Variants in AFTPH observed in about 807,000 individuals in gnomAD.
AFTPH encodes aftiphilin, also known as aftiphilin protein.
Under a neutral mutation model 72.5 loss-of-function variants are expected in AFTPH, and 7 were observed. The ratio of observed to expected loss-of-function variants is 0.10; its 90% CI spans 0.05 to 0.18. The LOEUF (loss-of-function observed/expected upper bound fraction) is 0.18, where lower values mean the gene tolerates loss of function less well. AFTPH is among the 10% of genes least tolerant of loss of function. AFTPH has a pLI of 1.00. For missense variants in AFTPH, 979 were observed against 1,060.5 expected, an observed-to-expected ratio of 0.92 and a Z score of 1.07; for synonymous variants, 337 against 370.1, an observed-to-expected ratio of 0.91 and a Z score of 1.03.
At chr2:64,560,001 G>A (rs1671621764) in intron 2 of AFTPH, among the ~76,000 whole-genome samples, 2 of 152,062 alleles carry the variant, frequency 1.3e-5, no homozygotes, top group African/African-American at 2.4e-5. Context: ...ACCATGCTCC[G>A]CCCCAGAATA....
chr2:64,592,079 TC>T, exon 9 of AFTPH: 1 of 1,516,412 alleles, frequency 6.6e-7, no homozygotes, highest in Non-Finnish European at 9.0e-7. Context: ...CTTTTTTCCA[TC>T]CCTTCCCTAC....
chr2:64,589,265 A>ATTCT, intron 8 of AFTPH, among the ~76,000 whole-genome samples: 1 of 152,328 alleles, frequency 6.6e-6, no homozygotes, highest in East Asian at 1.9e-4. Flanking sequence ...GTGCAGGTGG[A>ATTCT]TATCCAGTTG....
intron 8 of AFTPH, among the ~76,000 whole-genome samples, chr2:64,589,130 C>A (rs1388229306): frequency 2.0e-5 from 3 of 152,132 alleles, no homozygotes; most frequent in Non-Finnish European, 4.4e-5. Context: ...AATTCATGGT[C>A]ACAAAGATTT....
chr2:64,566,820 TA>T (rs374935382), intron 2 of AFTPH, among the ~76,000 whole-genome samples: 2 of 151,548 alleles, frequency 1.3e-5, no homozygotes, highest in African/African-American at 4.9e-5. Context: ...TTGGTGGAAA[TA>T]CTCTGGGGAA....
At chr2:64,566,515 G>T (rs968720127) in intron 2 of AFTPH, among the ~76,000 whole-genome samples, 1 of 152,084 alleles carries the variant, frequency 6.6e-6, no homozygotes, top group East Asian at 1.9e-4. Flanking sequence ...CCACCATGAT[G>T]TGGCATTTTG....
intron 6 of AFTPH, 113 bp downstream of exon 6, chr2:64,573,181 G>A (rs1672550628): frequency 1.3e-6 from 1 of 775,984 alleles, no homozygotes; most frequent in South Asian, 2.3e-5. Context: ...TGTAAAGCTT[G>A]ATTTAATGAT....
chr2:64,551,834 G>A (rs1671064683), exon 2 of AFTPH: 2 of 1,613,534 alleles, frequency 1.2e-6, no homozygotes, highest in Admixed American at 1.7e-5. Flanking sequence ...CATCTGAAAT[G>A]TTAGCTACTT....
At chr2:64,567,394 G>A (rs1172842773) in intron 2 of AFTPH, among the ~76,000 whole-genome samples, 168 bp from the exon 3 acceptor site, 1 of 152,182 alleles carries the variant, frequency 6.6e-6, no homozygotes, top group Non-Finnish European at 1.5e-5. Context: ...ATCATTTAGA[G>A]TGATTGTTTC....
chr2:64,531,061 C>CAAAA (rs370897333), intron 1 of AFTPH, among the ~76,000 whole-genome samples: 70 of 70,764 alleles, frequency 9.9e-4, no homozygotes, highest in African/African-American at 1.3e-3. Flanking sequence ...GACTTCATCT[C>CAAAA]AAAAAAAAAA....
intron 1 of AFTPH, among the ~76,000 whole-genome samples, chr2:64,541,498 G>A (rs1056264050): frequency 1.3e-5 from 2 of 152,152 alleles, no homozygotes; most frequent in Non-Finnish European, 2.9e-5. Flanking sequence ...GAAAACAACT[G>A]TGATATCATA....
intron 5 of AFTPH, among the ~76,000 whole-genome samples, chr2:64,572,058 A>G (rs780249044): frequency 2.0e-5 from 3 of 152,100 alleles, no homozygotes; most frequent in Non-Finnish European, 2.9e-5. Flanking sequence ...TCTACTAAAA[A>G]AAATACAAAA....
At chr2:64,586,787 T>A (rs966690402) in intron 8 of AFTPH, among the ~76,000 whole-genome samples, 5 of 152,194 alleles carry the variant, frequency 3.3e-5, no homozygotes, top group South Asian at 2.1e-4. Flanking sequence ...TGGCTTTTTT[T>A]AAATTTTTTT....
exon 9 of AFTPH, chr2:64,592,834 G>T (rs1434269201): frequency 6.6e-6 from 1 of 152,606 alleles, no homozygotes; most frequent in Non-Finnish European, 1.5e-5. Context: ...GGTTTAGGCT[G>T]TATATACAGT....
chr2:64,572,954 A>G, exon 6 of AFTPH: 1 of 1,614,074 alleles, frequency 6.2e-7, no homozygotes, highest in Non-Finnish European at 8.5e-7. Flanking sequence ...AGGGTATGTT[A>G]GAGCCCACCA....
At chr2:64,538,443 G>C (rs1482346224) in intron 1 of AFTPH, among the ~76,000 whole-genome samples, 4 of 152,150 alleles carry the variant, frequency 2.6e-5, no homozygotes, top group Non-Finnish European at 4.4e-5. Context: ...GGCATTACCT[G>C]TGTACACTCC....
chr2:64,573,830 G>T (rs978044052), intron 6 of AFTPH, among the ~76,000 whole-genome samples: 2 of 151,972 alleles, frequency 1.3e-5, no homozygotes, highest in African/African-American at 4.8e-5. Flanking sequence ...GCTAATTTTT[G>T]TGTTTTTAGT....
intron 2 of AFTPH, among the ~76,000 whole-genome samples, chr2:64,559,749 G>C (rs182570823): frequency 1.6e-3 from 238 of 152,212 alleles, no homozygotes; most frequent in African/African-American, 5.6e-3. Flanking sequence ...CCGTTGCCCA[G>C]CCTGGAGTGT....
chr2:64,539,458 G>T (rs1436847454), intron 1 of AFTPH, among the ~76,000 whole-genome samples: 1 of 152,128 alleles, frequency 6.6e-6, no homozygotes, highest in Non-Finnish European at 1.5e-5. Context: ...TGATTGGGTT[G>T]TTTGTCCCAC....
intron 1 of AFTPH, among the ~76,000 whole-genome samples, chr2:64,535,771 C>CAT (rs10641903): frequency 0.43 from 65,922 of 151,766 alleles, 16,246 homozygotes; most frequent in African/African-American, 0.69. Context: ...GAAGAAATGA[C>CAT]GTGTGACAAC....
Sources: allele counts gnomAD v4.1 joint callset (sites outside exome capture counted in the v4.1 genomes callset), GRCh38; gene constraint gnomAD v4.1.1; transcripts MANE v1.5; gene names NCBI Gene and HGNC (gene_info 2026-07-23, HGNC 2026-07-21).